Variants in DCAF8L2 observed in about 807,000 individuals in gnomAD.
DCAF8L2 encodes the protein DDB1 and CUL4 associated factor 8 like 2.
For synonymous variants in DCAF8L2, 200 were observed against 190.9 expected, an observed-to-expected ratio of 1.05 and a Z score of -0.39; for missense variants, 430 against 490.7, an observed-to-expected ratio of 0.88 and a Z score of 1.17.
the DCAF8L2 span, among the ~76,000 whole-genome samples, chrX:27,568,943 TCAAACACA>T: frequency 2.7e-5 from 2 of 74,493 alleles, no homozygotes; most frequent in African/African-American, 1.4e-4. Flanking sequence ...CCTTTGGAAC[TCAAACACA>T]CACACACACA....
chrX:27,558,272 C>T, the DCAF8L2 span, among the ~76,000 whole-genome samples: 7 of 112,087 alleles, frequency 6.2e-5, no homozygotes, highest in African/African-American at 2.3e-4. Flanking sequence ...CTTACTTCCT[C>T]CTCAGGATCA....
At chrX:27,612,686 C>A (rs1927248203) in intron 1 of DCAF8L2, among the ~76,000 whole-genome samples, 2 of 111,962 alleles carry the variant, frequency 1.8e-5, no homozygotes, top group Non-Finnish European at 3.8e-5. Flanking sequence ...TCCCCAGCAG[C>A]ATTTATTAAA....
chrX:27,502,335 A>AAAAAAAATATATAT, the DCAF8L2 span, among the ~76,000 whole-genome samples: 2 of 12,716 alleles, frequency 1.6e-4, no homozygotes, highest in Non-Finnish European at 3.0e-4. Flanking sequence ...AAAAAAAAAA[A>AAAAAAAATATATAT]ATATATATAT....
chrX:27,546,976 T>C, the DCAF8L2 span, among the ~76,000 whole-genome samples: 48 of 112,478 alleles, frequency 4.3e-4, no homozygotes, highest in African/African-American at 1.6e-3. Context: ...CAGGCTTGAA[T>C]TTCTCCCCAG....
At chrX:27,695,851 A>C (rs1180632105) in intron 3 of DCAF8L2, among the ~76,000 whole-genome samples, 1 of 111,236 alleles carries the variant, frequency 9.0e-6, no homozygotes, top group Non-Finnish European at 1.9e-5. Flanking sequence ...ATTCACATGT[A>C]AATGTAAATT....
At chrX:27,529,452 AG>A in the DCAF8L2 span, among the ~76,000 whole-genome samples, 32 of 112,183 alleles carry the variant, frequency 2.9e-4, no homozygotes, top group Admixed American at 4.8e-4. Flanking sequence ...CCCCAAGGAA[AG>A]AAAAGAAAGA....
chrX:27,618,461 T>G (rs1014218922), intron 1 of DCAF8L2, among the ~76,000 whole-genome samples: 2 of 111,773 alleles, frequency 1.8e-5, no homozygotes, highest in African/African-American at 6.5e-5. Context: ...AAAATGAAAA[T>G]GAGAAAACGT....
chrX:27,614,181 G>T (rs1006999631), intron 1 of DCAF8L2, among the ~76,000 whole-genome samples: 2 of 110,631 alleles, frequency 1.8e-5, no homozygotes, highest in Non-Finnish European at 3.8e-5. Context: ...TTAGTCTTGG[G>T]AGGGTGTATG....
chrX:27,713,110 C>T (rs1931584632), intron 3 of DCAF8L2, among the ~76,000 whole-genome samples: 1 of 111,465 alleles, frequency 9.0e-6, no homozygotes, highest in Non-Finnish European at 1.9e-5. Context: ...TGTATGGCAT[C>T]TAAGTGAATT....
At chrX:27,684,013 A>AAG (rs1374806523) in intron 3 of DCAF8L2, among the ~76,000 whole-genome samples, 1 of 112,755 alleles carries the variant, frequency 8.9e-6, no homozygotes, top group Non-Finnish European at 1.9e-5. Flanking sequence ...GCCTAGTGGC[A>AAG]AGACTAAGAA....
At chrX:27,672,561 C>A (rs1307224786) in intron 2 of DCAF8L2, among the ~76,000 whole-genome samples, 2 of 111,468 alleles carry the variant, frequency 1.8e-5, no homozygotes, top group Non-Finnish European at 3.8e-5. Flanking sequence ...CAGAGAGAGG[C>A]GAGTATTGCA....
At chrX:27,517,570 G>C in the DCAF8L2 span, among the ~76,000 whole-genome samples, 1 of 109,951 alleles carries the variant, frequency 9.1e-6, no homozygotes, top group East Asian at 2.9e-4. Context: ...TGGACCAAAA[G>C]AAAAAGAAAA....
chrX:27,665,330 A>T (rs1462579461), intron 2 of DCAF8L2, among the ~76,000 whole-genome samples: 1 of 111,724 alleles, frequency 9.0e-6, no homozygotes, highest in Non-Finnish European at 1.9e-5. Context: ...AGAAAGAACA[A>T]GAATTAGAAG....
intron 4 of DCAF8L2, among the ~76,000 whole-genome samples, chrX:27,725,546 TAA>T (rs1452414492): frequency 1.8e-5 from 2 of 110,444 alleles, no homozygotes; most frequent in Non-Finnish European, 3.8e-5. Context: ...ATTTATATTT[TAA>T]GTCTTTATTT....
At chrX:27,552,961 T>G in the DCAF8L2 span, among the ~76,000 whole-genome samples, 4 of 112,011 alleles carry the variant, frequency 3.6e-5, no homozygotes, top group Non-Finnish European at 5.6e-5. Flanking sequence ...TGGTTTTCCT[T>G]TTAGAAATCT....
the DCAF8L2 span, among the ~76,000 whole-genome samples, chrX:27,539,095 C>T: frequency 1.8e-5 from 2 of 110,556 alleles, no homozygotes; most frequent in African/African-American, 6.6e-5. Flanking sequence ...ATTATCCTCC[C>T]GCCTTGGCCT....
intron 1 of DCAF8L2, among the ~76,000 whole-genome samples, chrX:27,592,390 G>A (rs1235209977): frequency 9.4e-6 from 1 of 105,887 alleles, no homozygotes; most frequent in African/African-American, 3.5e-5. Flanking sequence ...GTGTGCAGGA[G>A]AGCATTGTTT....
At chrX:27,659,089 C>G (rs767678448) in intron 2 of DCAF8L2, among the ~76,000 whole-genome samples, 1 of 111,682 alleles carries the variant, frequency 9.0e-6, no homozygotes, top group African/African-American at 3.3e-5. Context: ...TCTTCCATTT[C>G]TCCACCTGAA....
At chrX:27,614,128 G>T (rs1927335801) in intron 1 of DCAF8L2, among the ~76,000 whole-genome samples, 1 of 111,182 alleles carries the variant, frequency 9.0e-6, no homozygotes, top group Admixed American at 9.6e-5. Context: ...CTCAATTTCA[G>T]AGCCTGTTAT....
Sources: allele counts gnomAD v4.1 joint callset (sites outside exome capture counted in the v4.1 genomes callset), GRCh38; gene constraint gnomAD v4.1.1; transcripts MANE v1.5; gene names NCBI Gene and HGNC (gene_info 2026-07-23, HGNC 2026-07-21).